The following MTMR11 variants were observed in gnomAD, a reference collection of about 807,000 sequenced individuals.
MTMR11 encodes myotubularin related protein 11.
Under a neutral mutation model 100.0 loss-of-function variants are expected in MTMR11, and 89 were observed. The ratio of observed to expected loss-of-function variants is 0.89; its 90% CI spans 0.75 to 1.06. The LOEUF is 1.06. Among genes scored for constraint, MTMR11 ranks in the 50% least tolerant of loss-of-function variants. MTMR11 has a pLI of 0.00. For synonymous variants in MTMR11, 336 were observed against 326.3 expected (o/e 1.03, Z -0.32); for missense variants, 809 against 873.7 (o/e 0.93, Z 0.93).
chr1:149,934,102 G>A, intron 7 of MTMR11, 89 bp downstream of exon 7: 1 of 1,592,786 alleles, frequency 6.3e-7, no homozygotes, highest in Non-Finnish European at 8.6e-7. Flanking sequence ...CTAGGAGGCT[G>A]GAGTTTGTGG....
intron 12 of MTMR11, 103 bp from the exon 13 acceptor site, chr1:149,931,529 A>T: frequency 8.9e-7 from 1 of 1,128,740 alleles, no homozygotes; most frequent in Non-Finnish European, 1.2e-6. Flanking sequence ...AGAGGCACAG[A>T]GGGGAAAGGT....
intron 3 of MTMR11, 79 bp from the exon 4 acceptor site, chr1:149,935,438 G>A: frequency 3.8e-6 from 6 of 1,588,312 alleles, no homozygotes; most frequent in Non-Finnish European, 4.3e-6. Context: ...CCCTTCTAGG[G>A]GGCAACAACC....
intron 15 of MTMR11, 59 bp from the exon 16 acceptor site, chr1:149,929,975 A>T: frequency 3.3e-6 from 5 of 1,535,460 alleles, no homozygotes; most frequent in Non-Finnish European, 4.4e-6. Flanking sequence ...AGTTTCCCCA[A>T]TCTGGATCAG....
In MTMR11 at chr1:149,935,290, C is replaced by CT; in HGVS notation, c.325+8_325+9insA. 6.2e-7 allele frequency: 1 copy of CT among 1,613,408 alleles called. No individual in the cohort carries two copies. The highest frequency in any genetic ancestry group is 8.5e-7 in the Non-Finnish European group (1 of 1,179,578). On this transcript the variant is annotated intron_variant, in intron 4 of 16. Coordinates refer to ENST00000439741, the MANE Select transcript of MTMR11 (RefSeq NM_001145862.2). The stretch of plus-strand genomic sequence containing the variant: ...GTGAACCCCTTCACCAAACCCCCCC[C>CT]CAACTTACCAGCCTCTAATCGTCCA...
intron 13 of MTMR11, 46 bp downstream of exon 13, chr1:149,931,210 TCTTA>T (rs782801127): frequency 3.2e-5 from 51 of 1,608,712 alleles, no homozygotes; most frequent in Non-Finnish European, 4.2e-5. Flanking sequence ...TTTCTCATTC[TCTTA>T]CTTCCTTAGT....
Position 149,934,336 on chromosome 1 carries a change from G to A in MTMR11, c.548-10C>T, listed in dbSNP as rs782759523. ...GAGCCAGAACCCTGGCCTAGAACAGGAGTGAGACATAGAGGAGGAAGGAGA... is the reference window on the plus strand; with the variant it reads ...GAGCCAGAACCCTGGCCTAGAACAGAAGTGAGACATAGAGGAGGAAGGAGA... On this transcript the variant is annotated splice_polypyrimidine_tract_variant and intron_variant, in intron 6 of 16. Transcript: ENST00000439741. 1.2e-5 allele frequency: 20 copies of A among 1,614,078 alleles called. No individual in the cohort carries two copies. In the African/African-American group the frequency reaches 2.4e-4, roughly 19 times the overall value.
chr1:149,931,891 G>A (rs1288343753), intron 12 of MTMR11, 53 bp downstream of exon 12: 1 of 1,502,974 alleles, frequency 6.7e-7, no homozygotes, highest in African/African-American at 1.4e-5. Flanking sequence ...AATCTGGTCA[G>A]GTGGGTAAAG....
chr1:149,935,131 G>A lies in MTMR11; in HGVS notation c.326-3C>T. On this transcript the variant is annotated splice_region_variant and splice_polypyrimidine_tract_variant and intron_variant, in intron 4 of 16. Transcript: ENST00000439741. Reference sequence around the variant, plus strand: ...CTGGACTCGGGACAAGCCGCTCACTGAAGTCAAGAGGTACAGAACAGTGTA... The same window carrying A: ...CTGGACTCGGGACAAGCCGCTCACTAAAGTCAAGAGGTACAGAACAGTGTA... 6.2e-7 allele frequency: 1 copy of A among 1,614,124 alleles called. No homozygotes were observed.
chr1:149,929,845 A>G lies in MTMR11; in HGVS notation c.1719T>C (p.Asn573=). The G allele has an allele frequency of 6.2e-7, 1 of 1,614,198 alleles. No homozygotes were observed. The highest frequency in any genetic ancestry group is 8.5e-7 in the Non-Finnish European group (1 of 1,180,026). The stretch of plus-strand genomic sequence containing the variant: ...GACTGTCCCGCCAAGGACAGAGCTG[A>G]TTCAGGGGGGTCAATGCTCCTCTAG... ...LFSRGALTPL[N]QLCPWRDSPS... The change falls in exon 16 of 17, where the codon AAT becomes AAC. Residue 573 remains asparagine, a synonymous_variant. Transcript: ENST00000439741.
intron 8 of MTMR11, 44 bp downstream of exon 8, chr1:149,933,811 A>G (rs1044419984): frequency 1.0e-5 from 16 of 1,607,552 alleles, no homozygotes; most frequent in Non-Finnish European, 1.4e-5. Context: ...CCTGGCCCAC[A>G]TGACCCTCTA....
chr1:149,932,586 G>A (rs879979634), intron 10 of MTMR11, among the ~76,000 whole-genome samples: 1 of 152,090 alleles, frequency 6.6e-6, no homozygotes. Context: ...AGAATAAATT[G>A]GGGTCAAGAA....
intron 13 of MTMR11, 92 bp downstream of exon 13, chr1:149,931,168 C>G (rs587696964): frequency 6.5e-7 from 1 of 1,548,016 alleles, no homozygotes; most frequent in Admixed American, 1.8e-5. Flanking sequence ...CCCTTCTGAC[C>G]GGATTCACCT....
intron 7 of MTMR11, 57 bp from the exon 8 acceptor site, chr1:149,933,999 C>G: frequency 6.4e-7 from 1 of 1,565,078 alleles, no homozygotes; most frequent in Non-Finnish European, 8.8e-7. Context: ...TAATGGAAAG[C>G]TCTTATTACA....
chr1:149,930,208 T>C (rs1244295943), intron 15 of MTMR11, 157 bp downstream of exon 15: 3 of 817,602 alleles, frequency 3.7e-6, no homozygotes, highest in Non-Finnish European at 5.7e-6. Flanking sequence ...TCTTCTGTCT[T>C]CCTAGGGACA....
At chr1:149,934,057 A>C (rs938686533) in intron 7 of MTMR11, 115 bp from the exon 8 acceptor site, 5 of 1,544,180 alleles carry the variant, frequency 3.2e-6, no homozygotes, top group Non-Finnish European at 4.5e-6. Flanking sequence ...AGGTTTAGGG[A>C]TCTAGGAGGC....
At chr1:149,930,576 G>C (rs782676964) in intron 14 of MTMR11, 29 bp from the exon 15 acceptor site, 2 of 1,571,618 alleles carry the variant, frequency 1.3e-6, no homozygotes, top group Admixed American at 1.7e-5. Flanking sequence ...AAAAAGGATG[G>C]TTACACACAA....
chr1:149,935,789 G>T, intron 2 of MTMR11, 84 bp from the exon 3 acceptor site: 1 of 1,429,654 alleles, frequency 7.0e-7, no homozygotes, highest in South Asian at 1.4e-5. Context: ...AAGAAAGGGA[G>T]ATCTAAATAG....
Position 149,929,687 on chromosome 1 carries a change from C to T in MTMR11, c.1877G>A (p.Gly626Glu), listed in dbSNP as rs782210046. The change falls in exon 16 of 17, where the codon GGG becomes GAG. Residue 626 changes from glycine (G) to glutamate (E), a missense_variant. Transcript: ENST00000439741. ...CPLPPGLLLP[G>E]YLGPQIRLWR... ...GAGCCTGATCTGGGGTCCCAGATACCCAGGCAGCAGCAGCCCTGGAGGTAA... is the reference window on the plus strand; with the variant it reads ...GAGCCTGATCTGGGGTCCCAGATACTCAGGCAGCAGCAGCCCTGGAGGTAA... The T allele has an allele frequency of 1.2e-6, 2 of 1,614,080 alleles. No homozygotes were observed. Among genetic ancestry groups the T allele is most frequent in the South Asian group, 1.1e-5 (1 of 91,072 alleles).
chr1:149,930,278 C>T, intron 15 of MTMR11, 87 bp downstream of exon 15: 5 of 1,361,364 alleles, frequency 3.7e-6, no homozygotes, highest in Non-Finnish European at 4.1e-6. Flanking sequence ...CTAAGGAACT[C>T]AAGACATTTT....
Sources: allele counts gnomAD v4.1 joint callset (sites outside exome capture counted in the v4.1 genomes callset), GRCh38; gene constraint gnomAD v4.1.1; transcripts MANE v1.5; gene names NCBI Gene and HGNC (gene_info 2026-07-23, HGNC 2026-07-21).